Variants in MRPS6 observed in about 807,000 individuals in gnomAD.
The protein encoded by MRPS6 is mitochondrial ribosomal protein S6.
MRPS6 carries 6 observed loss-of-function variants against 13.1 expected under a neutral mutation model. The observed-to-expected ratio is 0.46, with a 90% confidence interval of 0.25 to 0.91. The LOEUF is 0.91. Among genes scored for constraint, MRPS6 ranks in the 40% least tolerant of loss-of-function variants. The pLI is 0.18. For synonymous variants in MRPS6, 61 were observed against 56.5 expected (o/e 1.08, Z -0.36); for missense variants, 164 against 155.6 (o/e 1.05, Z -0.29).
Position 34,085,792 on chromosome 21 carries a change from C to T in MRPS6, c.45+12047C>T, listed in dbSNP as rs140807783. Among the ~76,000 whole-genome samples the T allele has an allele frequency of 1.8e-3, 275 of 152,150 alleles. 2 individuals carry two copies. Among genetic ancestry groups the T allele is most frequent in the African/African-American group, 6.4e-3 (264 of 41,518 alleles). ...TAATTTTTTGTAGTTTTAGTAGAGA[C>T]GGGGTTTCACCGTGTTAGCTAGGGT... On this transcript the variant is annotated intron_variant, in intron 1 of 2. Coordinates refer to ENST00000399312, the MANE Select transcript of MRPS6 (RefSeq NM_032476.4).
intron 2 of MRPS6, among the ~76,000 whole-genome samples, chr21:34,138,989 A>G (rs1268307049): frequency 6.6e-6 from 1 of 151,484 alleles, no homozygotes; most frequent in Non-Finnish European, 1.5e-5. Flanking sequence ...CATATACACC[A>G]TGGAATACTA....
Position 34,073,663 on chromosome 21 carries a change from C to T in MRPS6, c.-38C>T, listed in dbSNP as rs1283810763. On this transcript the variant is annotated 5_prime_UTR_variant, in exon 1 of 3. Transcript: ENST00000399312. ...TCCCGCCCCTTCGCGTCCCGGGAACCGGCTGGCTTCCGAGCCGCACTCGCC... is the reference window on the plus strand; with the variant it reads ...TCCCGCCCCTTCGCGTCCCGGGAACTGGCTGGCTTCCGAGCCGCACTCGCC... 1.3e-6 allele frequency: 2 copies of T among 1,510,360 alleles called. No individual in the cohort carries two copies. The highest frequency in any genetic ancestry group is 1.4e-5 in the African/African-American group (1 of 69,020). The allele number at this position is 1,510,360 out of a possible 1,614,324, so 93.6% of individuals were successfully genotyped here.
At chr21:34,114,613 C>G (rs1979831159) in intron 1 of MRPS6, among the ~76,000 whole-genome samples, 1 of 152,102 alleles carries the variant, frequency 6.6e-6, no homozygotes, top group Non-Finnish European at 1.5e-5. Context: ...TGAGAAATAC[C>G]TTGGTGATTT....
chr21:34,074,038 C>T (rs1383989166), intron 1 of MRPS6, among the ~76,000 whole-genome samples: 2 of 145,952 alleles, frequency 1.4e-5, no homozygotes, highest in Non-Finnish European at 3.0e-5. Flanking sequence ...CGAGCGGGCC[C>T]CGACCCCGAT....
chr21:34,092,693 T>C (rs1978764669), intron 1 of MRPS6, among the ~76,000 whole-genome samples: 1 of 152,214 alleles, frequency 6.6e-6, no homozygotes, highest in Non-Finnish European at 1.5e-5. Flanking sequence ...AGTGCTTGTT[T>C]TCTTTTTCAG....
chr21:34,113,632 A>G (rs1325197177), intron 1 of MRPS6, among the ~76,000 whole-genome samples: 1 of 152,176 alleles, frequency 6.6e-6, no homozygotes, highest in African/African-American at 2.4e-5. Flanking sequence ...GAATTTAAGC[A>G]TCACTGCAGT....
intron 2 of MRPS6, among the ~76,000 whole-genome samples, chr21:34,132,668 G>A (rs1242322653): frequency 6.6e-6 from 1 of 152,208 alleles, no homozygotes; most frequent in Non-Finnish European, 1.5e-5. Context: ...TGTGGGGTCT[G>A]GAGTCCGGAG....
At chr21:34,076,812 A>G (rs559881161) in intron 1 of MRPS6, among the ~76,000 whole-genome samples, 1 of 152,334 alleles carries the variant, frequency 6.6e-6, no homozygotes, top group East Asian at 1.9e-4. Flanking sequence ...TATTTATAGA[A>G]GAGTCTCTGG....
chr21:34,135,197 C>CT (rs1319898549), intron 2 of MRPS6, among the ~76,000 whole-genome samples: 1 of 152,058 alleles, frequency 6.6e-6, no homozygotes, highest in Non-Finnish European at 1.5e-5. Flanking sequence ...ATAGGTACAG[C>CT]TGCTGTGAAC....
At chr21:34,075,853 A>G (rs1989317685) in intron 1 of MRPS6, among the ~76,000 whole-genome samples, 1 of 152,186 alleles carries the variant, frequency 6.6e-6, no homozygotes, top group South Asian at 2.1e-4. Context: ...TTGGGGGGAA[A>G]CGAATTTAAA....
At chr21:34,104,204 T>G (rs1979374439) in intron 1 of MRPS6, 2 of 1,000,072 alleles carry the variant, frequency 2.0e-6, no homozygotes, top group Non-Finnish European at 2.4e-6. Context: ...AGACTAATTC[T>G]GAAGCATATT....
At chr21:34,073,808 C>G in intron 1 of MRPS6, 63 bp downstream of exon 1, 1 of 1,279,878 alleles carries the variant, frequency 7.8e-7, no homozygotes, top group African/African-American at 1.6e-5. Context: ...GCTAGGCCGC[C>G]GTCCCCCGCG....
intron 1 of MRPS6, among the ~76,000 whole-genome samples, chr21:34,120,165 C>G (rs1378337243): frequency 6.6e-6 from 1 of 152,158 alleles, no homozygotes; most frequent in Non-Finnish European, 1.5e-5. Flanking sequence ...GGCTTCACTG[C>G]AGAATGTCCT....
chr21:34,102,420 G>GT (rs1428452230), intron 1 of MRPS6: 1 of 999,832 alleles, frequency 1.0e-6, no homozygotes, highest in Non-Finnish European at 1.2e-6. Flanking sequence ...AGAGGGATTA[G>GT]TTTTTTTGTT....
At chr21:34,107,078 T>TG (rs1371626109) in intron 1 of MRPS6, among the ~76,000 whole-genome samples, 1 of 152,136 alleles carries the variant, frequency 6.6e-6, no homozygotes, top group Non-Finnish European at 1.5e-5. Flanking sequence ...ATTACAGGCA[T>TG]GCGCCACCAC....
intron 2 of MRPS6, chr21:34,136,154 C>CTTT: frequency 6.4e-6 from 1 of 156,014 alleles, no homozygotes. Context: ...TTTCTTTTTT[C>CTTT]TTTTTTTTTT....
chr21:34,097,309 C>G (rs1401142371), intron 1 of MRPS6: 1 of 1,610,410 alleles, frequency 6.2e-7, no homozygotes, highest in East Asian at 2.2e-5. Flanking sequence ...GGACTTTTTG[C>G]TGTGTGTTCA....
rs539171116 is a variant in MRPS6 at position 34,108,713 on chromosome 21, T to C, written c.46-16628T>C. Among the ~76,000 whole-genome samples the C allele has an allele frequency of 4.1e-4, 62 of 152,368 alleles. 1 individual carries two copies. The highest frequency in any genetic ancestry group is 3.4e-3 in the Middle Eastern group (1 of 294). The stretch of plus-strand genomic sequence containing the variant: ...GATAGAGTCTTTATTCTACCTCGTA[T>C]TTGTTTGCAACTTTGGCTGAATGTA... On this transcript the variant is annotated intron_variant, in intron 1 of 2. Transcript: ENST00000399312.
chr21:34,087,620 C>T lies in MRPS6; in HGVS notation c.45+13875C>T, dbSNP rs902661501. On this transcript the variant is annotated intron_variant, in intron 1 of 2. Coordinates refer to ENST00000399312, the MANE Select transcript of MRPS6 (RefSeq NM_032476.4). ...CAGGGAAGTTACTTTTGTGCAAAGA[C>T]GTAAAAGGAGAGGAGACAGGTCTTG... is the stretch of plus-strand genomic sequence containing the variant. Among the ~76,000 whole-genome samples the T allele has an allele frequency of 1.6e-4, 25 of 152,246 alleles. 1 individual carries two copies. Among genetic ancestry groups the T allele is most frequent in the Admixed American group, 1.5e-3 (23 of 15,286 alleles).
Sources: allele counts gnomAD v4.1 joint callset (sites outside exome capture counted in the v4.1 genomes callset), GRCh38; gene constraint gnomAD v4.1.1; transcripts MANE v1.5; gene names NCBI Gene and HGNC (gene_info 2026-07-23, HGNC 2026-07-21).